The following RALGAPA2 variants were observed in gnomAD, a reference collection of about 807,000 sequenced individuals.
RALGAPA2 encodes the protein Ral GTPase activating protein catalytic subunit alpha 2, also known as ral GTPase-activating protein subunit alpha-2.
A neutral mutation model predicts 230.4 loss-of-function variants in RALGAPA2; 139 were observed. That is an observed-to-expected ratio of 0.60 (90% CI 0.53 to 0.69). The LOEUF is 0.69. Among genes scored for constraint, RALGAPA2 ranks in the 30% least tolerant of loss-of-function variants. The probability of loss-of-function intolerance (pLI) is 0.00; values close to 1 mark genes in which losing one functional copy is unlikely to be tolerated. For synonymous variants in RALGAPA2, 847 were observed against 837.8 expected, an observed-to-expected ratio of 1.01 and a Z score of -0.19; for missense variants, 2,163 against 2,276.0, an observed-to-expected ratio of 0.95 and a Z score of 1.01.
intron 32 of RALGAPA2, 39 bp from the exon 33 acceptor site, chr20:20,511,364 A>G: frequency 3.3e-6 from 5 of 1,527,826 alleles, no homozygotes; most frequent in African/African-American, 1.4e-5. Context: ...CCATGTGATT[A>G]CAGAACCATT....
intron 1 of RALGAPA2, among the ~76,000 whole-genome samples, chr20:20,704,222 CT>C (rs748217581): frequency 6.6e-6 from 1 of 152,134 alleles, no homozygotes; most frequent in Non-Finnish European, 1.5e-5. Flanking sequence ...AGGTGTCCCT[CT>C]TGTTAAGCCT....
intron 36 of RALGAPA2, among the ~76,000 whole-genome samples, chr20:20,477,936 T>C (rs2061688852): frequency 6.6e-6 from 1 of 152,218 alleles, no homozygotes; most frequent in South Asian, 2.1e-4. Flanking sequence ...GACACAGTTA[T>C]TTAGTTGTGA....
At chr20:20,666,830 C>T (rs549179864) in intron 3 of RALGAPA2, among the ~76,000 whole-genome samples, 1 of 151,754 alleles carries the variant, frequency 6.6e-6, no homozygotes, top group Non-Finnish European at 1.5e-5. Flanking sequence ...ACTGAACCTC[C>T]ACAGGAGCTT....
chr20:20,629,393 A>G lies in RALGAPA2; in HGVS notation c.1203T>C (p.Tyr401=). 6.2e-7 allele frequency: 1 copy of G among 1,610,078 alleles called. No homozygotes were observed. The highest frequency in any genetic ancestry group is 8.5e-7 in the Non-Finnish European group (1 of 1,178,038). Residue 401 remains tyrosine, a synonymous_variant, in exon 10 of 40, where the codon TAT becomes TAC. Transcript: ENST00000202677. ...GAAATACTTCATTCACGAAGTTGAC[A>G]TAACCTCGTGTTGACAAGAGAATCC... is the stretch of plus-strand genomic sequence containing the variant. The part of the protein sequence containing the change: ...VQRILLSTRG[Y]VNFVNEVFHQ...
chr20:20,574,856 T>G (rs1304676290), intron 20 of RALGAPA2, among the ~76,000 whole-genome samples: 1 of 152,198 alleles, frequency 6.6e-6, no homozygotes, highest in African/African-American at 2.4e-5. Context: ...CTGCAGCCTT[T>G]GCACAAAGTT....
intron 31 of RALGAPA2, among the ~76,000 whole-genome samples, chr20:20,514,035 C>T (rs527703726): frequency 8.5e-5 from 13 of 152,194 alleles, no homozygotes; most frequent in Admixed American, 2.0e-4. Context: ...CCTCTCTGTT[C>T]CATTCCCAGG....
At chr20:20,399,414 T>C (rs1230377096) in intron 38 of RALGAPA2, among the ~76,000 whole-genome samples, 3 of 152,170 alleles carry the variant, frequency 2.0e-5, no homozygotes, top group Non-Finnish European at 4.4e-5. Context: ...AAGTCATTTT[T>C]ACCTATTTGT....
In RALGAPA2 at chr20:20,705,876, C is replaced by T. The variant is rs947982172; in HGVS notation, c.106+6499G>A. On this transcript the variant is annotated intron_variant, in intron 1 of 39. Transcript: ENST00000202677. ...TAGAGACGGTGTTTCACCATGTTGG[C>T]CAGGCTGGCCTTCAACTCCTGACCT... Among the ~76,000 whole-genome samples, 4 of 152,280 alleles carry T rather than the reference C, an allele frequency of 2.6e-5. No individual in the cohort carries two copies. The East Asian group carries it at 7.7e-4, about 29-fold the overall frequency.
At chr20:20,417,001 G>A (rs1283734814) in intron 37 of RALGAPA2, among the ~76,000 whole-genome samples, 1 of 152,102 alleles carries the variant, frequency 6.6e-6, no homozygotes, top group African/African-American at 2.4e-5. Flanking sequence ...CTAATCACTG[G>A]CACAAGCAAG....
intron 35 of RALGAPA2, among the ~76,000 whole-genome samples, chr20:20,496,923 G>A (rs1205944282): frequency 6.6e-6 from 1 of 152,212 alleles, no homozygotes; most frequent in African/African-American, 2.4e-5. Context: ...ACTGAAGGGT[G>A]CACGATTCAA....
intron 3 of RALGAPA2, among the ~76,000 whole-genome samples, chr20:20,656,489 T>C (rs1437294375): frequency 6.6e-6 from 1 of 152,116 alleles, no homozygotes; most frequent in East Asian, 1.9e-4. Context: ...GACAGATCCA[T>C]CTATAAATTG....
chr20:20,531,396 A>AC (rs926330493), intron 27 of RALGAPA2, among the ~76,000 whole-genome samples: 4 of 151,978 alleles, frequency 2.6e-5, no homozygotes, highest in African/African-American at 9.7e-5. Flanking sequence ...CTCTCTTGTC[A>AC]CCCCCACCAA....
chr20:20,508,792 T>C (rs2062611105), intron 33 of RALGAPA2, among the ~76,000 whole-genome samples: 1 of 151,994 alleles, frequency 6.6e-6, no homozygotes, highest in South Asian at 2.1e-4. Context: ...TTCAAAAAGA[T>C]CTTGAAAATA....
intron 3 of RALGAPA2, among the ~76,000 whole-genome samples, chr20:20,659,293 A>C (rs77851491): frequency 6.6e-6 from 1 of 152,320 alleles, no homozygotes. Context: ...CAACTTGATC[A>C]TTTGCTGTCT....
At chr20:20,678,052 T>A (rs1436238576) in intron 2 of RALGAPA2, among the ~76,000 whole-genome samples, 3 of 152,082 alleles carry the variant, frequency 2.0e-5, no homozygotes, top group African/African-American at 7.2e-5. Context: ...AATGCTATAA[T>A]CCAGGTGAGG....
intron 16 of RALGAPA2, among the ~76,000 whole-genome samples, chr20:20,593,448 G>T (rs1429193941): frequency 6.6e-6 from 1 of 152,222 alleles, no homozygotes; most frequent in East Asian, 1.9e-4. Context: ...TCTATTTCTA[G>T]TCTCTTCAGC....
intron 36 of RALGAPA2, among the ~76,000 whole-genome samples, chr20:20,491,918 C>T (rs1200075346): frequency 6.6e-6 from 1 of 151,816 alleles, no homozygotes; most frequent in Non-Finnish European, 1.5e-5. Context: ...TATGCGTTCA[C>T]ACAAGCACAC....
intron 37 of RALGAPA2, among the ~76,000 whole-genome samples, chr20:20,467,805 T>C (rs764656520): frequency 6.6e-6 from 1 of 152,196 alleles, no homozygotes; most frequent in Non-Finnish European, 1.5e-5. Flanking sequence ...TGTGCAGCTA[T>C]ATTGGTTGCT....
chr20:20,477,831 A>G (rs1435091221), intron 36 of RALGAPA2, among the ~76,000 whole-genome samples: 1 of 152,120 alleles, frequency 6.6e-6, no homozygotes, highest in Admixed American at 6.6e-5. Context: ...CAAGTGATCC[A>G]TGCACCTCAG....
Sources: gnomAD v4.1 joint callset for allele counts (sites outside exome capture counted in the v4.1 genomes callset) on GRCh38, gnomAD v4.1.1 for gene constraint, MANE v1.5 for transcripts, NCBI Gene and HGNC (gene_info 2026-07-23, HGNC 2026-07-21) for gene names.